The following SGTB variants were observed in gnomAD, a reference collection of about 807,000 sequenced individuals.
SGTB encodes the protein small glutamine rich tetratricopeptide repeat co-chaperone beta.
In SGTB, 19 loss-of-function variants were observed where a neutral mutation model predicts 43.9. The ratio of observed to expected loss-of-function variants is 0.43; its 90% CI spans 0.30 to 0.63. The LOEUF (loss-of-function observed/expected upper bound fraction) is 0.63. SGTB is among the 30% of genes least tolerant of loss of function. The pLI, the probability that SGTB is intolerant of heterozygous loss-of-function variation, is 0.12. For missense variants in SGTB, 304 were observed against 358.9 expected (o/e 0.85, Z 1.24); for synonymous variants, 116 against 117.3 (o/e 0.99, Z 0.07).
chr5:65,712,902 T>C, intron 3 of SGTB, 59 bp downstream of exon 3: 2 of 1,345,814 alleles, frequency 1.5e-6, no homozygotes, highest in Non-Finnish European at 2.1e-6. Context: ...CTATTAACAA[T>C]CTATTAACAT....
intron 10 of SGTB, 78 bp from the exon 11 acceptor site, chr5:65,670,435 G>A: frequency 8.2e-7 from 1 of 1,217,136 alleles, no homozygotes; most frequent in Admixed American, 1.9e-5. Flanking sequence ...TGCAGAAAAT[G>A]TAGGAGCTAC....
intron 8 of SGTB, among the ~76,000 whole-genome samples, chr5:65,674,639 T>G (rs2150703188): frequency 6.6e-6 from 1 of 152,352 alleles, no homozygotes; most frequent in East Asian, 1.9e-4. Context: ...CAACCTGGCC[T>G]TTTTTATGAG....
intron 5 of SGTB, among the ~76,000 whole-genome samples, chr5:65,692,578 T>G (rs1257575930): frequency 6.6e-6 from 1 of 152,128 alleles, no homozygotes; most frequent in Non-Finnish European, 1.5e-5. Flanking sequence ...TGGCCTGAAC[T>G]CTTCAAAAAT....
intron 6 of SGTB, among the ~76,000 whole-genome samples, chr5:65,684,886 T>C (rs2150708492): frequency 6.6e-6 from 1 of 152,276 alleles, no homozygotes; most frequent in African/African-American, 2.4e-5. Context: ...AAAAAGGGCA[T>C]TCTGTGTAGA....
intron 2 of SGTB, among the ~76,000 whole-genome samples, chr5:65,720,252 T>C (rs998941846): frequency 1.3e-5 from 2 of 152,036 alleles, no homozygotes; most frequent in Non-Finnish European, 1.5e-5. Flanking sequence ...TGGCTACTTT[T>C]TGTATTTTTA....
At chr5:65,672,849 CAG>C (rs1757185279) in intron 8 of SGTB, among the ~76,000 whole-genome samples, 1 of 152,158 alleles carries the variant, frequency 6.6e-6, no homozygotes, top group East Asian at 1.9e-4. Flanking sequence ...ATTATATTCA[CAG>C]ACTCTCTATG....
chr5:65,703,160 A>C (rs988694298), intron 5 of SGTB, among the ~76,000 whole-genome samples: 1 of 152,352 alleles, frequency 6.6e-6, no homozygotes. Context: ...TATTGAAAAA[A>C]AATGGAAGCA....
upstream of SGTB, chr5:65,722,547 T>C (rs1311046997): frequency 6.1e-6 from 5 of 818,772 alleles, no homozygotes; most frequent in Non-Finnish European, 9.3e-6. Flanking sequence ...TCCCCGCGGC[T>C]TGCAAGGTGG....
intron 8 of SGTB, among the ~76,000 whole-genome samples, chr5:65,674,706 C>T (rs911941873): frequency 3.3e-5 from 5 of 152,096 alleles, no homozygotes; most frequent in Non-Finnish European, 7.3e-5. Context: ...TGGTCTCACA[C>T]CTTATTTTGG....
chr5:65,672,090 T>C, intron 9 of SGTB, 92 bp from the exon 10 acceptor site: 1 of 1,573,194 alleles, frequency 6.4e-7, no homozygotes, highest in Non-Finnish European at 8.7e-7. Context: ...AATACCCATG[T>C]TATACCAGAG....
intron 5 of SGTB, among the ~76,000 whole-genome samples, chr5:65,697,910 C>T (rs933754290): frequency 6.6e-5 from 10 of 152,176 alleles, no homozygotes; most frequent in African/African-American, 2.4e-4. Context: ...ATACATGCCA[C>T]AACATGGTTG....
intron 2 of SGTB, among the ~76,000 whole-genome samples, chr5:65,713,589 A>AT (rs1287691905): frequency 6.6e-6 from 1 of 152,162 alleles, no homozygotes; most frequent in African/African-American, 2.4e-5. Flanking sequence ...AAGTGCTGGG[A>AT]TTATAGGCAT....
At position 65,667,358 on chromosome 5, in the gene SGTB, T is replaced by C. The variant is rs1346635572; in HGVS notation, c.*2888A>G. 2.6e-5 allele frequency: 4 copies of C among 152,246 alleles called. No homozygotes were observed. The highest frequency in any genetic ancestry group is 6.5e-5 in the Admixed American group (1 of 15,282). The allele number at this position is 152,246 out of a possible 1,614,324, so 9.4% of individuals were successfully genotyped here. ...GCATTTTTAATGCACTCAAGATAGT[T>C]ATGCTAGAAACTTTAACTTCTTATT... On this transcript the variant is annotated 3_prime_UTR_variant, in exon 11 of 11. Transcript: ENST00000381007.
In SGTB at chr5:65,686,519, T is replaced by G. The variant is rs145265763; in HGVS notation, c.375-1047A>C. On this transcript the variant is annotated intron_variant, in intron 5 of 10. Transcript: ENST00000381007. ...TTATTCTCTCTTTACCCACATTTGT[T>G]TTTTTTTTTTTTCCTTTTTGTAGCA... is the stretch of plus-strand genomic sequence containing the variant. Among the ~76,000 whole-genome samples, 1,300 of 145,548 alleles carry G rather than the reference T, an allele frequency of 8.9e-3. 16 individuals carry two copies. The highest frequency in any genetic ancestry group is 0.033 in the African/African-American group (1,227 of 37,108).
intron 3 of SGTB, among the ~76,000 whole-genome samples, chr5:65,712,025 G>A (rs1314467612): frequency 6.6e-6 from 1 of 152,186 alleles, no homozygotes; most frequent in South Asian, 2.1e-4. Flanking sequence ...AAGGCAGGAC[G>A]ATGGTTTGAG....
chr5:65,708,258 A>G (rs1170171151), intron 4 of SGTB, among the ~76,000 whole-genome samples: 1 of 152,224 alleles, frequency 6.6e-6, no homozygotes, highest in Non-Finnish European at 1.5e-5. Flanking sequence ...GTGTTCTGCA[A>G]CTTTTACAAC....
At chr5:65,680,272 GGC>G (rs1266178696) in intron 8 of SGTB, among the ~76,000 whole-genome samples, 9 of 152,214 alleles carry the variant, frequency 5.9e-5, no homozygotes, top group Middle Eastern at 3.4e-3. Context: ...AAACTACCAT[GGC>G]AGACGTTTTA....
At chr5:65,701,736 C>T (rs1014544416) in intron 5 of SGTB, among the ~76,000 whole-genome samples, 3 of 151,398 alleles carry the variant, frequency 2.0e-5, no homozygotes, top group Admixed American at 6.6e-5. Flanking sequence ...GGGTTCACAC[C>T]ATTCTCCTGC....
chr5:65,679,193 C>T (rs1037527748), intron 8 of SGTB, among the ~76,000 whole-genome samples: 23 of 152,072 alleles, frequency 1.5e-4, no homozygotes, highest in African/African-American at 5.6e-4. Context: ...AATGAACAGA[C>T]AATTCTCAAA....
Sources: allele counts gnomAD v4.1 joint callset (sites outside exome capture counted in the v4.1 genomes callset), GRCh38; gene constraint gnomAD v4.1.1; transcripts MANE v1.5; gene names NCBI Gene and HGNC (gene_info 2026-07-23, HGNC 2026-07-21).